SYMPK: variants seen among roughly 807,000 people sequenced by gnomAD.
SYMPK encodes symplekin scaffold protein.
A neutral mutation model predicts 136.4 loss-of-function variants in SYMPK; 49 were observed. That is an observed-to-expected ratio of 0.36 (90% confidence interval 0.29 to 0.46). The LOEUF (loss-of-function observed/expected upper bound fraction) is 0.46. SYMPK is among the 20% of genes least tolerant of loss of function. The pLI, the probability that SYMPK is intolerant of heterozygous loss-of-function variation, is 1.00. For synonymous variants in SYMPK, 766 were observed against 713.0 expected (o/e 1.07, Z -1.19); for missense variants, 1,365 against 1,690.0 (o/e 0.81, Z 3.37).
chr19:45,835,401 A>G (rs1388085040), intron 10 of SYMPK, among the ~76,000 whole-genome samples, 173 bp from the exon 11 acceptor site: 3 of 152,210 alleles, frequency 2.0e-5, no homozygotes, highest in East Asian at 1.9e-4. Context: ...TATATAGTGT[A>G]GTGCTTGAGA....
intron 8 of SYMPK, chr19:45,842,754 G>C (rs1971472914): frequency 2.2e-6 from 1 of 449,452 alleles, no homozygotes; most frequent in South Asian, 3.0e-5. Context: ...CTCCATCTCT[G>C]GTCTGGAAAT....
At chr19:45,862,953 C>T (rs746119740) in intron 1 of SYMPK, 105 bp downstream of exon 1, 5 of 399,994 alleles carry the variant, frequency 1.3e-5, no homozygotes, top group Non-Finnish European at 2.2e-5. Flanking sequence ...GTCGCGAAAG[C>T]CACTGTTCCC....
At chr19:45,816,402 G>GAGGC (rs1970738415) in intron 25 of SYMPK, 80 bp downstream of exon 25, 2 of 1,510,206 alleles carry the variant, frequency 1.3e-6, no homozygotes, top group Non-Finnish European at 1.8e-6. Flanking sequence ...GGGTCAGGAG[G>GAGGC]AGGCCATGGT....
chr19:45,842,341 C>G lies in SYMPK; in HGVS notation c.996G>C (p.Gln332His). The change falls in exon 9 of 27, where the codon CAG becomes CAC. Residue 332 changes from glutamine (Q) to histidine (H), a missense_variant. Gln to His is a conservative substitution (Grantham distance 24). This residue lies in a region of SYMPK where 111 missense variants were observed against 141.2 expected (regional missense o/e 0.79). Transcript: ENST00000245934. Reference protein sequence around the residue: ...TTLLVDLGTPQAEIARNMPSS... With the variant: ...TTLLVDLGTPHAEIARNMPSS... ...TCGGCATGTTGCGGGCGATCTCGGC[C>G]TGAGGTGTGCCCAGGTCCACCAGCA... 6.2e-7 allele frequency: 1 copy of G among 1,614,242 alleles called. No individual in the cohort carries two copies.
chr19:45,832,357 G>A (rs1971202285), intron 11 of SYMPK, among the ~76,000 whole-genome samples: 1 of 151,646 alleles, frequency 6.6e-6, no homozygotes, highest in Non-Finnish European at 1.5e-5. Flanking sequence ...GGCCAGGCTG[G>A]TCTTGAACTG....
intron 1 of SYMPK, 146 bp from the exon 2 acceptor site, chr19:45,854,653 C>T: frequency 1.5e-6 from 1 of 648,818 alleles, no homozygotes; most frequent in Middle Eastern, 4.0e-4. Context: ...GTCCCTCTCC[C>T]CTCCAGGGTC....
At chr19:45,858,641 T>G (rs911863246) in intron 1 of SYMPK, among the ~76,000 whole-genome samples, 2 of 152,008 alleles carry the variant, frequency 1.3e-5, no homozygotes, top group East Asian at 3.9e-4. Context: ...TCAGCCTCCC[T>G]AGTAGCTGGG....
rs978644638 is a variant in SYMPK, at chr19:45,821,154, G to C, written c.2893+230C>G. 3.3e-6 allele frequency: 2 copies of C among 600,464 alleles called. No homozygotes were observed. Among genetic ancestry groups the C allele is most frequent in the Admixed American group, 2.2e-5 (1 of 45,890 alleles). 37.2% of individuals were successfully genotyped at this position (600,464 alleles called of 1,614,324 possible). On this transcript the variant is annotated intron_variant, in intron 22 of 26. Transcript: ENST00000245934. This position sits in a 1 kb window ranked among gnomAD's most constrained non-coding sequence, Gnocchi z 4.4. Reference sequence around the variant, plus strand: ...GGTACATCAGAGGCAGAAAAAGGTGGGTTGTAAAGGGTAAAACCTGGGAGG... The same window carrying C: ...GGTACATCAGAGGCAGAAAAAGGTGCGTTGTAAAGGGTAAAACCTGGGAGG...
At position 45,830,041 on chromosome 19, in the gene SYMPK, G is replaced by T. The variant is rs114139223; in HGVS notation, c.1749+13C>A. On this transcript the variant is annotated intron_variant, in intron 13 of 26. Transcript: ENST00000245934. ...GGACTGGAAGGATGGGGTGGGGGGT[G>T]GCAGGCGCACACCTGGGCTGCCCCG... 4.3e-4 allele frequency: 662 copies of T among 1,536,614 alleles called. 2 individuals carry two copies. The African/African-American group carries it at 7.4e-3, about 17-fold the overall frequency.
Position 45,821,372 on chromosome 19 carries a change from G to A in SYMPK, c.2893+12C>T. 5 of 1,608,830 alleles carry A rather than the reference G, an allele frequency of 3.1e-6. No individual in the cohort carries two copies. The South Asian group carries it at 3.3e-5, about 11-fold the overall frequency. ...GGGGCCAGGCCACTGGAGTGGGGGGGAAGCGCCTCACCTTTGATGATGGAT... is the reference window on the plus strand; with the variant it reads ...GGGGCCAGGCCACTGGAGTGGGGGGAAAGCGCCTCACCTTTGATGATGGAT... On this transcript the variant is annotated intron_variant, in intron 22 of 26. Coordinates refer to ENST00000245934, the MANE Select transcript of SYMPK (RefSeq NM_004819.3). The surrounding 1 kb of genome is among the most constrained non-coding windows in gnomAD (Gnocchi z 4.4).
In SYMPK at chr19:45,831,527, C is replaced by G; in HGVS notation, c.1455G>C (p.Glu485Asp). 6.2e-7 allele frequency: 1 copy of G among 1,611,904 alleles called. No individual in the cohort carries two copies. Among genetic ancestry groups the G allele is most frequent in the Non-Finnish European group, 8.5e-7 (1 of 1,179,204 alleles). The change falls in exon 12 of 27, where the codon GAG becomes GAC. Residue 485 changes from glutamate (E) to aspartate (D), a missense_variant. By Grantham distance (45) the Glu-to-Asp change is conservative. Transcript: ENST00000245934. ...ACAGGCGCCGCTTGATCAGGACGCT[C>G]TCTGTCTTCACCACCTTCTCCTCCT... ...EPKEEKVVKT[E>D]SVLIKRRLSA...
At chr19:45,816,225 G>A (rs1188328365) in intron 25 of SYMPK, 42 bp from the exon 26 acceptor site, 2 of 1,383,704 alleles carry the variant, frequency 1.4e-6, no homozygotes, top group Admixed American at 2.6e-5. Flanking sequence ...GAGGTGGGTG[G>A]CTCAGAGGAC....
In SYMPK at chr19:45,854,518, G is replaced by C. The variant is rs1216868725; in HGVS notation, c.-12-11C>G. ...CATGGCTGCTGTCAGCTTGTCCCCA[G>C]GAAAGAAGAGGATGGATCAAGCTCA... is the stretch of plus-strand genomic sequence containing the variant. On this transcript the variant is annotated splice_polypyrimidine_tract_variant and intron_variant, in intron 1 of 26. Transcript: ENST00000245934. 6 of 1,606,468 alleles carry C rather than the reference G, an allele frequency of 3.7e-6. No homozygotes were observed. The highest frequency in any genetic ancestry group is 5.1e-6 in the Non-Finnish European group (6 of 1,174,768).
intron 10 of SYMPK, among the ~76,000 whole-genome samples, chr19:45,838,099 T>C (rs988190218): frequency 1.3e-5 from 2 of 152,080 alleles, no homozygotes; most frequent in African/African-American, 4.8e-5. Flanking sequence ...AGATCCCTCA[T>C]GGCTTGGTGC....
Position 45,815,905 on chromosome 19 carries a change from C to CATGGAT in SYMPK, c.3632_3633insATCCAT (p.Ser1211_Gly1212insSerMet), listed in dbSNP as rs1568604290. ...CCAACAGCGCGGCCTCGGTCAGCCCCGAGTCGTCATCCATGCTGATGAAGA... is the reference window on the plus strand; with the variant it reads ...CCAACAGCGCGGCCTCGGTCAGCCCCATGGATGAGTCGTCATCCATGCTGATGAAGA... On this transcript the variant is annotated inframe_insertion, in exon 26 of 27. Coordinates refer to ENST00000245934, the MANE Select transcript of SYMPK (RefSeq NM_004819.3). 1 of 1,612,300 alleles carries CATGGAT rather than the reference C, an allele frequency of 6.2e-7. No homozygotes were observed. Among genetic ancestry groups the CATGGAT allele is most frequent in the South Asian group, 1.1e-5 (1 of 90,934 alleles).
At position 45,854,394 on chromosome 19, in the gene SYMPK, C is replaced by T. The variant is rs1971770789; in HGVS notation, c.102G>A (p.Glu34=). Residue 34 remains glutamate (E), a synonymous_variant, in exon 2 of 27, where the codon GAG becomes GAA. Coordinates refer to ENST00000245934, the MANE Select transcript of SYMPK (RefSeq NM_004819.3). The part of the protein sequence containing the change: ...GPGIDGMTTS[E]RVVDLLNQAA... ...AAGCCCTACCCGCCACGCTCACCCTCTCTGAGGTGGTCATGCCATCGATGC... is the reference window on the plus strand; with the variant it reads ...AAGCCCTACCCGCCACGCTCACCCTTTCTGAGGTGGTCATGCCATCGATGC... The T allele has an allele frequency of 6.2e-7, 1 of 1,614,080 alleles. No homozygotes were observed. Among genetic ancestry groups the T allele is most frequent in the Non-Finnish European group, 8.5e-7 (1 of 1,179,954 alleles).
In SYMPK at chr19:45,852,312, C is replaced by T; in HGVS notation, c.299G>A (p.Cys100Tyr). The change falls in exon 5 of 27, where the codon TGC (cysteine) becomes TAC (tyrosine). Residue 100 changes from cysteine (C) to tyrosine (Y), a missense_variant and splice_region_variant. Cys to Tyr is a radical substitution (Grantham distance 194). Transcript: ENST00000245934. ...CGGGGCTCCGTGCCTCGCCCCATAC[C>T]ATGCCTCCTCGATGAAGCCGATGAC... ...KFVIGFIEEA[C>Y]KRDIELLLKL... 1 of 1,614,232 alleles carries T rather than the reference C, an allele frequency of 6.2e-7. No homozygotes were observed. The highest frequency in any genetic ancestry group is 8.5e-7 in the Non-Finnish European group (1 of 1,180,034).
intron 12 of SYMPK, 65 bp downstream of exon 12, chr19:45,831,319 G>C: frequency 7.4e-7 from 1 of 1,345,300 alleles, no homozygotes; most frequent in Non-Finnish European, 9.9e-7. Flanking sequence ...ACACGCACAC[G>C]AGCTGAGAAC....
At chr19:45,827,754 G>A (rs1025981147) in intron 15 of SYMPK, 83 bp downstream of exon 15, 1 of 1,539,904 alleles carries the variant, frequency 6.5e-7, no homozygotes, top group Non-Finnish European at 9.0e-7. Context: ...CGGCCACAAG[G>A]TTTAGACTGT....
Sources: allele counts gnomAD v4.1 joint callset (sites outside exome capture counted in the v4.1 genomes callset), GRCh38; gene constraint gnomAD v4.1.1; regional missense constraint gnomAD v4.1.1; non-coding constraint Gnocchi (gnomAD v3.1); transcripts MANE v1.5; gene names NCBI Gene and HGNC (gene_info 2026-07-23, HGNC 2026-07-21).